RMDN2: variants seen among roughly 807,000 people sequenced by gnomAD.
RMDN2 encodes the protein regulator of microtubule dynamics 2.
In RMDN2, 61 loss-of-function variants were observed where a neutral mutation model predicts 52.8. The ratio of observed to expected loss-of-function variants is 1.16; its 90% confidence interval spans 0.94 to 1.43. RMDN2 has a LOEUF of 1.43. Among genes scored for constraint, RMDN2 ranks in the 40% most tolerant of loss-of-function variants. The pLI is 0.00. For missense variants in RMDN2, 592 were observed against 475.3 expected (o/e 1.25, Z -2.28); for synonymous variants, 180 against 153.1 (o/e 1.18, Z -1.30).
At chr2:37,956,247 G>A (rs180962016) in intron 2 of RMDN2, among the ~76,000 whole-genome samples, 2 of 152,212 alleles carry the variant, frequency 1.3e-5, no homozygotes, top group South Asian at 2.1e-4. Flanking sequence ...GATCTATTCA[G>A]ATTTTCTATT....
intron 2 of RMDN2, among the ~76,000 whole-genome samples, chr2:37,932,569 G>A (rs1443606920): frequency 2.6e-5 from 4 of 151,636 alleles, no homozygotes; most frequent in Non-Finnish European, 5.9e-5. Context: ...TTCTCAATGA[G>A]CTGTTGGGTA....
chr2:37,950,530 A>G (rs941350201), intron 2 of RMDN2: 12 of 1,612,926 alleles, frequency 7.4e-6, no homozygotes, highest in Non-Finnish European at 9.3e-6. Context: ...TGGCTTAAGG[A>G]TGACGGCCTA....
intron 2 of RMDN2, among the ~76,000 whole-genome samples, chr2:37,937,060 C>G (rs1385289995): frequency 6.6e-6 from 1 of 152,042 alleles, no homozygotes; most frequent in African/African-American, 2.4e-5. Flanking sequence ...TCCAATCCAT[C>G]TTGAGTTAAT....
chr2:37,982,276 G>A (rs1324496585), intron 5 of RMDN2, among the ~76,000 whole-genome samples: 1 of 152,096 alleles, frequency 6.6e-6, no homozygotes, highest in African/African-American at 2.4e-5. Context: ...TTTTCACTCT[G>A]CCACCAGCAG....
At chr2:38,019,558 A>G (rs1679182743), downstream of RMDN2, among the ~76,000 whole-genome samples, 1 of 152,196 alleles carries the variant, frequency 6.6e-6, no homozygotes, top group Non-Finnish European at 1.5e-5. Context: ...GGGTATTAAC[A>G]AAGGGAATTC....
At chr2:38,066,495 G>A (rs577835180) in intron 10 of RMDN2, among the ~76,000 whole-genome samples, 1 of 152,262 alleles carries the variant, frequency 6.6e-6, no homozygotes, top group South Asian at 2.1e-4. Flanking sequence ...ACTGAAACTG[G>A]AGAGCAGAGA....
At chr2:38,007,015 C>T (rs1048067064) in intron 10 of RMDN2, among the ~76,000 whole-genome samples, 1 of 152,022 alleles carries the variant, frequency 6.6e-6, no homozygotes, top group African/African-American at 2.4e-5. Flanking sequence ...ATTTATTGAT[C>T]TACGTATGTT....
At chr2:37,945,927 C>T (rs4670798) in intron 2 of RMDN2, among the ~76,000 whole-genome samples, 127,086 of 152,118 alleles carry the variant, frequency 0.84, 53,457 homozygotes, top group Middle Eastern at 0.92. Context: ...GGTGAAGGTG[C>T]ATATGAAATA....
chr2:37,945,021 G>A (rs62134018), intron 2 of RMDN2, among the ~76,000 whole-genome samples: 5,713 of 152,234 alleles, frequency 0.038, 148 homozygotes, highest in Non-Finnish European at 0.057. Flanking sequence ...TTGGGATAAC[G>A]TCGAAGAAAG....
intron 2 of RMDN2, among the ~76,000 whole-genome samples, chr2:37,947,817 G>C (rs1668345945): frequency 6.6e-6 from 1 of 152,152 alleles, no homozygotes; most frequent in Non-Finnish European, 1.5e-5. Flanking sequence ...AGTTAACTCA[G>C]TCAATTTTTA....
At chr2:37,930,637 G>A (rs927812917) in intron 2 of RMDN2, among the ~76,000 whole-genome samples, 6 of 152,196 alleles carry the variant, frequency 3.9e-5, no homozygotes, top group South Asian at 2.1e-4. Flanking sequence ...GGAAGCAGCC[G>A]TGCCAGAGGG....
At chr2:38,031,031 A>C (rs1427045107) in intron 10 of RMDN2, among the ~76,000 whole-genome samples, 1 of 152,084 alleles carries the variant, frequency 6.6e-6, no homozygotes, top group Non-Finnish European at 1.5e-5. Context: ...CATTTGTTTA[A>C]TTGGCCAAGA....
chr2:38,037,997 T>G (rs1281889572), intron 10 of RMDN2, among the ~76,000 whole-genome samples: 1 of 152,138 alleles, frequency 6.6e-6, no homozygotes, highest in Non-Finnish European at 1.5e-5. Flanking sequence ...CAAACCCCTC[T>G]GGAGCCTGGT....
At chr2:37,941,660 C>G (rs1667798344) in intron 2 of RMDN2, among the ~76,000 whole-genome samples, 1 of 152,204 alleles carries the variant, frequency 6.6e-6, no homozygotes. Flanking sequence ...GGGCTCCACT[C>G]AGTCTGAACT....
chr2:38,032,025 C>G (rs569284296), intron 10 of RMDN2, among the ~76,000 whole-genome samples: 93 of 152,340 alleles, frequency 6.1e-4, no homozygotes, highest in Non-Finnish European at 1.2e-3. Flanking sequence ...CTCTCTCTCT[C>G]TCACTGGTTT....
chr2:38,050,814 G>A (rs1260442352), intron 10 of RMDN2, among the ~76,000 whole-genome samples: 5 of 152,098 alleles, frequency 3.3e-5, no homozygotes, highest in African/African-American at 7.2e-5. Flanking sequence ...GCTGGAGTGC[G>A]GTGGCACGAT....
intron 10 of RMDN2, among the ~76,000 whole-genome samples, chr2:38,040,094 G>A (rs1680863477): frequency 8.0e-6 from 1 of 124,762 alleles, no homozygotes; most frequent in Non-Finnish European, 1.8e-5. Flanking sequence ...TTTGCATATG[G>A]ACATCCAATT....
At chr2:38,016,127 G>A (rs1425442411) in intron 10 of RMDN2, among the ~76,000 whole-genome samples, 1 of 152,226 alleles carries the variant, frequency 6.6e-6, no homozygotes, top group Non-Finnish European at 1.5e-5. Flanking sequence ...GTAACACACT[G>A]TATCAGTGTA....
intron 8 of RMDN2, among the ~76,000 whole-genome samples, chr2:38,003,586 A>C (rs955777129): frequency 2.0e-5 from 3 of 151,876 alleles, no homozygotes; most frequent in African/African-American, 7.3e-5. Context: ...ATAGATAGAT[A>C]GATAGATAGA....
Sources: allele counts gnomAD v4.1 joint callset (sites outside exome capture counted in the v4.1 genomes callset), GRCh38; gene constraint gnomAD v4.1.1; transcripts MANE v1.5; gene names NCBI Gene and HGNC (gene_info 2026-07-23, HGNC 2026-07-21).